Variants in NDE1 observed in about 807,000 individuals in gnomAD.
NDE1 encodes the protein nuclear distribution protein nudE homolog 1.
In NDE1, 28 loss-of-function variants were observed where a neutral mutation model predicts 43.4. The ratio of observed to expected loss-of-function variants is 0.65; its 90% confidence interval spans 0.48 to 0.89. The LOEUF is 0.89. Among genes scored for constraint, NDE1 ranks in the 40% least tolerant of loss-of-function variants. The pLI is 0.00. For synonymous variants in NDE1, 184 were observed against 172.0 expected (o/e 1.07, Z -0.55); for missense variants, 441 against 434.1 (o/e 1.02, Z -0.14).
intron 8 of NDE1, among the ~76,000 whole-genome samples, chr16:15,698,886 G>A (rs541124485): frequency 6.6e-6 from 1 of 150,868 alleles, no homozygotes; most frequent in Admixed American, 6.6e-5. Flanking sequence ...ATTAATTTTT[G>A]TTTGTTTTCT....
chr16:15,711,174 C>T (rs537903185), intron 8 of NDE1: 1 of 152,404 alleles, frequency 6.6e-6, no homozygotes, highest in East Asian at 1.9e-4. Flanking sequence ...CTCTCTTCCC[C>T]TTCTCAGAGG....
At chr16:15,654,357 T>C (rs1308975629) in intron 1 of NDE1, among the ~76,000 whole-genome samples, 2 of 151,936 alleles carry the variant, frequency 1.3e-5, no homozygotes, top group Admixed American at 6.6e-5. Flanking sequence ...CCCAGCACTT[T>C]GGGAGGCCTA....
At chr16:15,665,499 C>T (rs1026566916) in intron 2 of NDE1, among the ~76,000 whole-genome samples, 22 of 152,060 alleles carry the variant, frequency 1.4e-4, no homozygotes, top group African/African-American at 5.1e-4. Context: ...GGCTGGAGTG[C>T]AGTGGTGCCA....
chr16:15,710,957 C>T (rs1017851768), intron 8 of NDE1, among the ~76,000 whole-genome samples: 1 of 152,164 alleles, frequency 6.6e-6, no homozygotes, highest in Admixed American at 6.5e-5. Flanking sequence ...GGATTACAGG[C>T]GTGAGCCACC....
chr16:15,708,383 A>G (rs529553900), intron 8 of NDE1, among the ~76,000 whole-genome samples: 19 of 152,310 alleles, frequency 1.2e-4, no homozygotes, highest in African/African-American at 4.1e-4. Flanking sequence ...GTGCCCAGAT[A>G]GTGGAACTGT....
intron 8 of NDE1, chr16:15,720,748 A>G: frequency 7.1e-7 from 1 of 1,405,968 alleles, no homozygotes; most frequent in Non-Finnish European, 1.0e-6. Context: ...AAAATAAAGA[A>G]AACGAAGTTT....
chr16:15,721,866 T>G (rs1035713299), intron 8 of NDE1, among the ~76,000 whole-genome samples: 13 of 152,038 alleles, frequency 8.6e-5, no homozygotes, highest in Middle Eastern at 3.2e-3. Flanking sequence ...GTTTGTGTGT[T>G]TGTTTGTTTT....
intron 7 of NDE1, chr16:15,694,922 A>C (rs1393864752): frequency 3.0e-6 from 3 of 984,404 alleles, no homozygotes; most frequent in Non-Finnish European, 3.6e-6. Flanking sequence ...CTGTAATCCC[A>C]GTGCTTTGGG....
intron 8 of NDE1, among the ~76,000 whole-genome samples, chr16:15,697,820 T>G (rs2039081861): frequency 6.6e-6 from 1 of 152,138 alleles, no homozygotes; most frequent in Non-Finnish European, 1.5e-5. Context: ...TTGTTTTGTT[T>G]TTTTTTTGAG....
rs142986414 is a variant in NDE1 at position 15,718,855 on chromosome 16, C to T, written c.948-5336C>T. Reference sequence around the variant, plus strand: ...TGAAATGGGGGTCCAGGGCCAGGCACGGTGGCTCACACCTGTAATCACAGC... The same window carrying T: ...TGAAATGGGGGTCCAGGGCCAGGCATGGTGGCTCACACCTGTAATCACAGC... On this transcript the variant is annotated intron_variant, in intron 8 of 8. Transcript: ENST00000396354. 51 of 405,516 alleles carry T rather than the reference C, an allele frequency of 1.3e-4. 1 individual carries two copies. In the East Asian group the frequency reaches 2.5e-3, roughly 20 times the overall value. 25.1% of individuals were successfully genotyped at this position (405,516 alleles called of 1,614,324 possible).
intron 8 of NDE1, among the ~76,000 whole-genome samples, chr16:15,705,245 G>A (rs562750871): frequency 2.0e-5 from 3 of 152,334 alleles, no homozygotes; most frequent in African/African-American, 7.2e-5. Context: ...GCCTCTCAAA[G>A]TGTTGGGATT....
chr16:15,650,268 C>G lies in NDE1; in HGVS notation c.-70C>G, dbSNP rs761352135. ...TCGCAGCCGCCTCTGCCGCCGCCGCCGCGTTGGCCTCGCCGCCCCTGCTCG... is the reference window on the plus strand; with the variant it reads ...TCGCAGCCGCCTCTGCCGCCGCCGCGGCGTTGGCCTCGCCGCCCCTGCTCG... On this transcript the variant is annotated 5_prime_UTR_variant, in exon 1 of 9. Coordinates refer to ENST00000396354, the MANE Select transcript of NDE1 (RefSeq NM_017668.3). 9.7e-6 allele frequency: 3 copies of G among 309,894 alleles called. No homozygotes were observed. The highest frequency in any genetic ancestry group is 2.0e-5 in the Non-Finnish European group (3 of 150,312). 19.2% of individuals were successfully genotyped at this position (309,894 alleles called of 1,614,324 possible).
chr16:15,696,141 C>T (rs576982169), intron 7 of NDE1, among the ~76,000 whole-genome samples: 61 of 104,634 alleles, frequency 5.8e-4, no homozygotes, highest in East Asian at 4.0e-3. Flanking sequence ...TGCAGTGAGC[C>T]GTGATCTTTT....
intron 7 of NDE1, among the ~76,000 whole-genome samples, chr16:15,695,203 C>CTTTTTTTTTTTTTTTTTTTTT (rs71134451): frequency 3.8e-5 from 3 of 79,684 alleles, no homozygotes; most frequent in African/African-American, 1.1e-4. Context: ...AAACTGCCAC[C>CTTTTTTTTTTTTTTTTTTTTT]TTTTTTTTTT....
At position 15,724,358 on chromosome 16, in the gene NDE1, G is replaced by C; in HGVS notation, c.*107G>C. On this transcript the variant is annotated 3_prime_UTR_variant, in exon 9 of 9. Transcript: ENST00000396354. ...TGGAACCTCTTCTTCCCCTCTTCCA[G>C]AGCTTCCACGGTGCTGGCAAAGTCC... 1 of 1,614,096 alleles carries C rather than the reference G, an allele frequency of 6.2e-7. No individual in the cohort carries two copies.
At chr16:15,672,209 C>T (rs1396516261) in intron 3 of NDE1, among the ~76,000 whole-genome samples, 3 of 151,928 alleles carry the variant, frequency 2.0e-5, no homozygotes, top group African/African-American at 4.8e-5. Flanking sequence ...CCGAGGCGGG[C>T]GGATCATGAG....
At chr16:15,679,927 T>C (rs982291547) in intron 4 of NDE1, among the ~76,000 whole-genome samples, 3 of 152,180 alleles carry the variant, frequency 2.0e-5, no homozygotes, top group Non-Finnish European at 2.9e-5. Flanking sequence ...TACAGGTGTG[T>C]GTTACCACAC....
intron 8 of NDE1, among the ~76,000 whole-genome samples, chr16:15,705,984 C>CAAAAAAAAAAA (rs57451847): frequency 0.03 from 1,714 of 56,570 alleles, 281 homozygotes; most frequent in Middle Eastern, 0.069. Context: ...GACTCCGTCT[C>CAAAAAAAAAAA]AAAAAAAAAA....
chr16:15,712,182 G>A (rs1252392469), intron 8 of NDE1, among the ~76,000 whole-genome samples: 2 of 152,222 alleles, frequency 1.3e-5, no homozygotes, highest in African/African-American at 2.4e-5. Context: ...GACTTGGGGT[G>A]CAGCATGTTT....
Sources: gnomAD v4.1 joint callset for allele counts (sites outside exome capture counted in the v4.1 genomes callset) on GRCh38, gnomAD v4.1.1 for gene constraint, MANE v1.5 for transcripts, NCBI Gene and HGNC (gene_info 2026-07-23, HGNC 2026-07-21) for gene names.